Variants in FBXL2 observed in about 807,000 individuals in gnomAD.
The protein encoded by FBXL2 is F-box/LRR-repeat protein 2.
Under a neutral mutation model 69.2 loss-of-function variants are expected in FBXL2, and 38 were observed. That is an observed-to-expected ratio of 0.55 (90% CI 0.42 to 0.72). The LOEUF (loss-of-function observed/expected upper bound fraction) is 0.72. FBXL2 is among the 30% of genes least tolerant of loss of function. The pLI is 0.00. For synonymous variants in FBXL2, 192 were observed against 201.3 expected, an observed-to-expected ratio of 0.95 and a Z score of 0.39; for missense variants, 354 against 520.3, an observed-to-expected ratio of 0.68 and a Z score of 3.11.
intron 2 of FBXL2, among the ~76,000 whole-genome samples, chr3:33,322,585 A>T (rs59579207): frequency 1.4e-3 from 213 of 152,344 alleles, no homozygotes; most frequent in African/African-American, 5.0e-3. Flanking sequence ...CCATTTTTAT[A>T]AAGTTCAAAA....
At chr3:33,334,384 A>C (rs964152034) in intron 2 of FBXL2, among the ~76,000 whole-genome samples, 27 of 152,232 alleles carry the variant, frequency 1.8e-4, no homozygotes, top group Admixed American at 1.1e-3. Context: ...AATTTCTATA[A>C]CTGAAAAATC....
intron 2 of FBXL2, among the ~76,000 whole-genome samples, chr3:33,349,076 T>A (rs2040649394): frequency 6.6e-6 from 1 of 152,186 alleles, no homozygotes; most frequent in African/African-American, 2.4e-5. Flanking sequence ...ATAATGTGAC[T>A]TCTTCCTTTC....
chr3:33,404,794 A>C (rs9811050), downstream of FBXL2, among the ~76,000 whole-genome samples: 177 of 152,342 alleles, frequency 1.2e-3, no homozygotes, highest in African/African-American at 4.2e-3. Flanking sequence ...TAGATCACAT[A>C]AAAATGTCCC....
intron 12 of FBXL2, 40 bp from the exon 13 acceptor site, chr3:33,378,644 CT>C (rs1321313937): frequency 6.3e-7 from 1 of 1,588,690 alleles, no homozygotes; most frequent in Admixed American, 1.8e-5. Flanking sequence ...GTATTAAGTT[CT>C]GGTGTAGAAG....
chr3:33,348,104 A>G (rs1052902323), intron 2 of FBXL2, among the ~76,000 whole-genome samples: 3 of 152,170 alleles, frequency 2.0e-5, no homozygotes, highest in Non-Finnish European at 4.4e-5. Context: ...GCCCAAAACA[A>G]TGTCCTGGAG....
chr3:33,338,112 A>G (rs2039732307), intron 2 of FBXL2, among the ~76,000 whole-genome samples: 1 of 152,044 alleles, frequency 6.6e-6, no homozygotes, highest in Non-Finnish European at 1.5e-5. Flanking sequence ...AGAAAAAAAT[A>G]TTCTAAAGTT....
At chr3:33,354,118 A>G (rs1164069722) in intron 2 of FBXL2, among the ~76,000 whole-genome samples, 1 of 152,184 alleles carries the variant, frequency 6.6e-6, no homozygotes, top group African/African-American at 2.4e-5. Context: ...ATTGTAACAA[A>G]TGTACCACAC....
chr3:33,360,935 T>TC (rs1275366388), intron 4 of FBXL2, among the ~76,000 whole-genome samples: 1 of 120,366 alleles, frequency 8.3e-6, no homozygotes, highest in East Asian at 2.4e-4. Flanking sequence ...TTTTTTTTTT[T>TC]TTTTTTTTTT....
downstream of FBXL2, among the ~76,000 whole-genome samples, chr3:33,407,009 T>C (rs993340314): frequency 1.3e-5 from 2 of 152,230 alleles, no homozygotes; most frequent in Non-Finnish European, 2.9e-5. Context: ...CAATTGTAAC[T>C]AGCCAAAAAC....
intron 2 of FBXL2, among the ~76,000 whole-genome samples, chr3:33,356,623 C>T (rs2041223463): frequency 1.3e-5 from 2 of 152,118 alleles, no homozygotes; most frequent in Admixed American, 1.3e-4. Flanking sequence ...GCTGAGATTA[C>T]AGGTGTGAGC....
At position 33,373,468 on chromosome 3, in the gene FBXL2, C is replaced by T. The variant is rs1024282062; in HGVS notation, c.456-110C>T. On this transcript the variant is annotated intron_variant, in intron 7 of 14. Coordinates refer to ENST00000484457, the MANE Select transcript of FBXL2 (RefSeq NM_012157.5). ...AAGAAATAGGTGACTCCAAGAGGTC[C>T]CAGGCATGGTCTCCCCTTCGGAATT... 9 of 1,550,876 alleles carry T rather than the reference C, an allele frequency of 5.8e-6. No individual in the cohort carries two copies. In the African/African-American group the frequency reaches 1.2e-4, roughly 21 times the overall value.
At chr3:33,392,402 A>G, downstream of FBXL2, 1 of 620,178 alleles carries the variant, frequency 1.6e-6, no homozygotes, top group Non-Finnish European at 2.6e-6. Context: ...CTTATATGCT[A>G]ATTTCTGTTA....
chr3:33,344,076 G>GA lies in FBXL2; in HGVS notation c.66-14884dup, dbSNP rs1247902997. On this transcript the variant is annotated intron_variant, in intron 2 of 14. Coordinates refer to ENST00000484457, the MANE Select transcript of FBXL2 (RefSeq NM_012157.5). ...TCTAACAATCAGTTTCAATTAATAG[G>GA]AAAAAAATACAAAAAAAGATAACAC... Among the ~76,000 whole-genome samples, 6 of 141,014 alleles carry GA rather than the reference G, an allele frequency of 4.3e-5. 1 individual carries two copies. The highest frequency in any genetic ancestry group is 1.6e-4 in the African/African-American group (6 of 38,206). The allele number at this position is 141,014 out of a possible 152,430, so 92.5% of individuals were successfully genotyped here. A position where few individuals can be genotyped will look rare whatever the true frequency, so the allele number is the denominator to read the frequency against.
intron 5 of FBXL2, among the ~76,000 whole-genome samples, chr3:33,370,099 T>C (rs1156761088): frequency 6.6e-6 from 1 of 152,028 alleles, no homozygotes; most frequent in African/African-American, 2.4e-5. Context: ...AAAAAATCTG[T>C]TTTTTCCTCC....
intron 2 of FBXL2, among the ~76,000 whole-genome samples, chr3:33,344,346 G>A (rs893665487): frequency 4.6e-5 from 7 of 152,084 alleles, no homozygotes; most frequent in African/African-American, 1.7e-4. Context: ...GTGTATAGTA[G>A]TGAAGATGGC....
At chr3:33,278,227 A>T (rs2033539038) in intron 1 of FBXL2, 1 of 152,192 alleles carries the variant, frequency 6.6e-6, no homozygotes, top group East Asian at 1.9e-4. Context: ...GCTCGTTTTA[A>T]AAACGTTGCT....
rs545778621 is a variant in FBXL2 at position 33,395,868 on chromosome 3, G to C, written n.1215-7366G>C. On this transcript the variant is annotated intron_variant and non_coding_transcript_variant, in intron 12 of 12. Transcript: ENST00000463736. ...TCTGACCAAAAAAAAAAAAAAGCCAGAACTCAATGCATTCAAGCTAGTTTT... is the reference window on the plus strand; with the variant it reads ...TCTGACCAAAAAAAAAAAAAAGCCACAACTCAATGCATTCAAGCTAGTTTT... 1.7e-4 allele frequency among the ~76,000 whole-genome samples: 23 copies of C among 137,542 alleles called. 1 individual carries two copies. Among genetic ancestry groups the C allele is most frequent in the Admixed American group, 1.5e-3 (20 of 13,354 alleles). The allele number at this position is 137,542 out of a possible 152,430, so 90.2% of individuals were successfully genotyped here. A position where few individuals can be genotyped will look rare whatever the true frequency, so the allele number is the denominator to read the frequency against.
the FBXL2 span, chr3:33,412,654 C>T: frequency 2.9e-6 from 3 of 1,041,022 alleles, no homozygotes; most frequent in Non-Finnish European, 3.0e-6. Context: ...ATGATGCCAA[C>T]ACAACACATT....
chr3:33,336,128 G>T (rs1163008784), intron 2 of FBXL2, among the ~76,000 whole-genome samples: 1 of 152,084 alleles, frequency 6.6e-6, no homozygotes. Context: ...AAATGTCCTA[G>T]AATAGCCAAC....
Sources: gnomAD v4.1 joint callset for allele counts (sites outside exome capture counted in the v4.1 genomes callset) on GRCh38, gnomAD v4.1.1 for gene constraint, MANE v1.5 for transcripts, NCBI Gene and HGNC (gene_info 2026-07-23, HGNC 2026-07-21) for gene names.